Variants in MPDZ observed in about 807,000 individuals in gnomAD.
MPDZ encodes the protein multiple PDZ domain protein.
A neutral mutation model predicts 239.1 loss-of-function variants in MPDZ; 234 were observed. That is an observed-to-expected ratio of 0.98 (90% CI 0.88 to 1.09). The LOEUF is 1.09. Ranked by LOEUF, MPDZ falls within the 50% of genes least tolerant of loss-of-function variation. MPDZ has a pLI of 0.00. For synonymous variants in MPDZ, 1,048 were observed against 881.3 expected, an observed-to-expected ratio of 1.19 and a Z score of -3.35; for missense variants, 3,175 against 2,510.0, an observed-to-expected ratio of 1.26 and a Z score of -5.66.
Position 13,193,164 on chromosome 9 carries a change from T to G in MPDZ, c.1803+3A>C. ...GAGGAGAAGGAACAGCATAGCTCCT[T>G]ACTTCCAATAGCTCGTCTCCACTGA... On this transcript the variant is annotated splice_donor_region_variant and intron_variant, in intron 14 of 46. Coordinates refer to ENST00000319217, the MANE Select transcript of MPDZ (RefSeq NM_001378778.1). 6.4e-7 allele frequency: 1 copy of G among 1,569,854 alleles called. No individual in the cohort carries two copies.
At chr9:13,109,705 C>G (rs1183675620) in intron 45 of MPDZ, among the ~76,000 whole-genome samples, 1 of 152,120 alleles carries the variant, frequency 6.6e-6, no homozygotes, top group Non-Finnish European at 1.5e-5. Context: ...AGAGCTGAAA[C>G]CATGGGAAGG....
In MPDZ at chr9:13,247,837, T is replaced by C. The variant is rs765857881; in HGVS notation, c.17-36A>G. On this transcript the variant is annotated intron_variant, in intron 2 of 46. Coordinates refer to ENST00000319217, the MANE Select transcript of MPDZ (RefSeq NM_001378778.1). ...GAGCAGCATTTGTCAATAACAGGAT[T>C]CAAAGGACACATGTCCAGCCTAAGA... The C allele has an allele frequency of 1.9e-6, 3 of 1,561,978 alleles. No individual in the cohort carries two copies. In the East Asian group the frequency reaches 6.8e-5, roughly 35 times the overall value.
intron 43 of MPDZ, among the ~76,000 whole-genome samples, chr9:13,111,414 T>C (rs951635675): frequency 7.9e-5 from 12 of 152,228 alleles, no homozygotes; most frequent in Non-Finnish European, 1.8e-4. Flanking sequence ...TGTGGTTATG[T>C]TCTGAGACCT....
chr9:13,121,936 T>C lies in MPDZ; in HGVS notation c.5038-4A>G. ...TTCTCAAGTCAATTCCATTCACCTG[T>C]ACAGAAATGGGACACTGACTGTAAG... On this transcript the variant is annotated splice_polypyrimidine_tract_variant and splice_region_variant and intron_variant, in intron 37 of 46. Coordinates refer to ENST00000319217, the MANE Select transcript of MPDZ (RefSeq NM_001378778.1). 1.2e-6 allele frequency: 2 copies of C among 1,612,254 alleles called. No individual in the cohort carries two copies. Among genetic ancestry groups the C allele is most frequent in the Non-Finnish European group, 1.7e-6 (2 of 1,178,874 alleles).
At chr9:13,229,953 G>A (rs1346308484) in intron 3 of MPDZ, among the ~76,000 whole-genome samples, 2 of 151,794 alleles carry the variant, frequency 1.3e-5, no homozygotes, top group African/African-American at 4.8e-5. Flanking sequence ...TCTGACATAT[G>A]ACTCATATCT....
rs762490828 is a variant in MPDZ, at chr9:13,140,161, AAAAG to A, written c.3841-16_3841-13del. Reference sequence around the variant, plus strand: ...GACTGACTGGGTGCCTGTGGGAACAAAAAGAATGCAGTGGGTTTGTACAGTCTAA... The same window carrying A: ...GACTGACTGGGTGCCTGTGGGAACAAAATGCAGTGGGTTTGTACAGTCTAA... On this transcript the variant is annotated splice_polypyrimidine_tract_variant and intron_variant, in intron 27 of 46. Transcript: ENST00000319217. 6.2e-7 allele frequency: 1 copy of A among 1,612,290 alleles called. No individual in the cohort carries two copies. The highest frequency in any genetic ancestry group is 2.2e-5 in the East Asian group (1 of 44,696).
chr9:13,210,285 T>G (rs1456009148), intron 10 of MPDZ, among the ~76,000 whole-genome samples: 1 of 152,046 alleles, frequency 6.6e-6, no homozygotes, highest in Non-Finnish European at 1.5e-5. Context: ...TGATTATTAA[T>G]ATCCTATATC....
chr9:13,113,274 T>C (rs1434574849), intron 41 of MPDZ, among the ~76,000 whole-genome samples: 2 of 152,168 alleles, frequency 1.3e-5, no homozygotes, highest in African/African-American at 2.4e-5. Flanking sequence ...TTCCTTCTCA[T>C]TTTAAGTGTT....
intron 45 of MPDZ, 105 bp from the exon 46 acceptor site, chr9:13,109,164 T>C: frequency 4.2e-6 from 4 of 952,054 alleles, no homozygotes; most frequent in Non-Finnish European, 5.5e-6. Context: ...TAATTCTCTT[T>C]GTTACTGACA....
In MPDZ at chr9:13,221,539, C is replaced by T. The variant is rs202056892; in HGVS notation, c.748-39G>A. The T allele has an allele frequency of 4.3e-4, 684 of 1,593,650 alleles. 5 individuals carry two copies. The African/African-American group carries it at 8.0e-3, about 19-fold the overall frequency. On this transcript the variant is annotated intron_variant, in intron 6 of 46. Transcript: ENST00000319217. ...TCATATATGAATTTGTAGAAATTTA[C>T]AAAGCACTACCATTTTACATTACAG...
chr9:13,268,199 T>C (rs1247600354), intron 1 of MPDZ, among the ~76,000 whole-genome samples: 3 of 151,510 alleles, frequency 2.0e-5, no homozygotes, highest in Admixed American at 6.6e-5. Flanking sequence ...GATCTAGATA[T>C]ACAGATGGTA....
At chr9:13,150,889 G>A (rs754005749) in intron 24 of MPDZ, among the ~76,000 whole-genome samples, 3 of 151,554 alleles carry the variant, frequency 2.0e-5, no homozygotes, top group Admixed American at 6.6e-5. Context: ...GGCAACCAAC[G>A]GAAAGGAAAA....
Position 13,143,480 on chromosome 9 carries a change from T to C in MPDZ, c.3826A>G (p.Ile1276Val). 1 of 1,612,348 alleles carries C rather than the reference T, an allele frequency of 6.2e-7. No homozygotes were observed. The highest frequency in any genetic ancestry group is 1.1e-5 in the South Asian group (1 of 91,002). Residue 1276 changes from isoleucine (I) to valine (V), a missense_variant, in exon 27 of 47, where the codon ATC becomes GTC. Ile to Val is a conservative substitution (Grantham distance 29). Coordinates refer to ENST00000319217, the MANE Select transcript of MPDZ (RefSeq NM_001378778.1). ...CATTATCCAACCTTGTCGGCGTTGA[T>C]TTGTAGAGAGTCAGCAAATGGGTTA... ...STNPFADSLQ[I>V]NADKAPSQSE...
chr9:13,152,974 C>T (rs145333412), intron 24 of MPDZ, among the ~76,000 whole-genome samples: 6 of 152,152 alleles, frequency 3.9e-5, no homozygotes, highest in Non-Finnish European at 5.9e-5. Context: ...ATCGACGAAA[C>T]AGAACTTTAA....
intron 24 of MPDZ, among the ~76,000 whole-genome samples, chr9:13,153,659 G>A (rs897330150): frequency 6.6e-6 from 1 of 152,064 alleles, no homozygotes; most frequent in Non-Finnish European, 1.5e-5. Context: ...TCTTAAAGCA[G>A]TTCCTAAGGC....
chr9:13,254,687 G>A (rs1394126727), intron 1 of MPDZ, among the ~76,000 whole-genome samples: 1 of 152,186 alleles, frequency 6.6e-6, no homozygotes, highest in Non-Finnish European at 1.5e-5. Context: ...ATTTCTCAGT[G>A]CGTACAAAAG....
At chr9:13,128,207 TAG>T (rs1945401537) in intron 32 of MPDZ, among the ~76,000 whole-genome samples, 1 of 152,200 alleles carries the variant, frequency 6.6e-6, no homozygotes, top group Non-Finnish European at 1.5e-5. Flanking sequence ...AAGCATGGGC[TAG>T]ACTTAGTGAC....
intron 32 of MPDZ, 101 bp from the exon 33 acceptor site, chr9:13,126,873 T>G (rs930754513): frequency 2.2e-6 from 2 of 930,094 alleles, no homozygotes; most frequent in Non-Finnish European, 3.4e-6. Context: ...TCTTCTGAAG[T>G]CCAGAAATCT....
chr9:13,188,695 C>G, intron 17 of MPDZ, 89 bp downstream of exon 17: 4 of 1,076,794 alleles, frequency 3.7e-6, no homozygotes, highest in Non-Finnish European at 5.3e-6. Flanking sequence ...AGTCACGATT[C>G]AATCATGAGA....
Sources: gnomAD v4.1 joint callset for allele counts (sites outside exome capture counted in the v4.1 genomes callset) on GRCh38, gnomAD v4.1.1 for gene constraint, MANE v1.5 for transcripts, NCBI Gene and HGNC (gene_info 2026-07-23, HGNC 2026-07-21) for gene names.